Variants in MIDEAS observed in about 807,000 individuals in gnomAD.
MIDEAS encodes mitotic deacetylase-associated SANT domain protein.
MIDEAS carries 26 observed loss-of-function variants against 102.7 expected under a neutral mutation model. The ratio of observed to expected loss-of-function variants is 0.25; its 90% CI spans 0.19 to 0.35. The LOEUF is 0.35. MIDEAS is among the 10% of genes least tolerant of loss of function. The probability of loss-of-function intolerance (pLI) is 1.00; values close to 1 mark genes in which losing one functional copy is unlikely to be tolerated. For synonymous variants in MIDEAS, 585 were observed against 591.0 expected, an observed-to-expected ratio of 0.99 and a Z score of 0.15; for missense variants, 1,231 against 1,435.6, an observed-to-expected ratio of 0.86 and a Z score of 2.30.
intron 1 of MIDEAS, among the ~76,000 whole-genome samples, chr14:73,744,237 T>A (rs2053320614): frequency 1.3e-5 from 2 of 152,142 alleles, no homozygotes; most frequent in African/African-American, 4.8e-5. Context: ...CAACACTGGC[T>A]GGCTGACCCC....
chr14:73,780,394 C>T lies in MIDEAS; in HGVS notation c.-248+6708G>A, dbSNP rs1271812973. Among the ~76,000 whole-genome samples, 8 of 152,198 alleles carry T rather than the reference C, an allele frequency of 5.3e-5. No individual in the cohort carries two copies. The South Asian group carries it at 1.4e-3, about 28-fold the overall frequency. On this transcript the variant is annotated intron_variant, in intron 1 of 11. Coordinates refer to the MIDEAS transcript ENST00000394071. ...ACCACAAGCATTTAGGATCTGACTT[C>T]CCCAGTTATGGAGAAAAAGAAAAGT...
At chr14:73,727,045 G>A (rs1326178155) in intron 5 of MIDEAS, 73 bp from the exon 6 acceptor site, 5 of 1,519,646 alleles carry the variant, frequency 3.3e-6, no homozygotes, top group Non-Finnish European at 3.6e-6. Context: ...CCCTCAGGGT[G>A]GGAAGAAGAT....
chr14:73,749,083 C>G (rs781042673), intron 1 of MIDEAS, among the ~76,000 whole-genome samples: 1 of 151,954 alleles, frequency 6.6e-6, no homozygotes, highest in Non-Finnish European at 1.5e-5. Flanking sequence ...AATAGAAGAT[C>G]GACAAGGAAA....
chr14:73,719,050 C>G lies in MIDEAS; in HGVS notation c.3135-42G>C, dbSNP rs1179550824. On this transcript the variant is annotated intron_variant, in intron 12 of 12. Transcript: ENST00000423556. ...GTTGCTCAGAACCGGCCTAGCCCAC[C>G]CGGGGGCCCCCAGCGCGGGTGCGCG... 15 of 1,449,766 alleles carry G rather than the reference C, an allele frequency of 1.0e-5. No homozygotes were observed. In the East Asian group the frequency reaches 3.2e-4, roughly 31 times the overall value. 89.8% of individuals were successfully genotyped at this position (1,449,766 alleles called of 1,614,324 possible).
intron 3 of MIDEAS, among the ~76,000 whole-genome samples, chr14:73,730,488 T>G (rs2053124368): frequency 6.6e-6 from 1 of 152,222 alleles, no homozygotes. Flanking sequence ...GGTGCCTACC[T>G]AGTAAGTGCC....
intron 7 of MIDEAS, 92 bp from the exon 8 acceptor site, chr14:73,726,200 T>G (rs1595255202): frequency 9.7e-7 from 1 of 1,033,874 alleles, no homozygotes; most frequent in Non-Finnish European, 1.5e-6. Flanking sequence ...CCGAGTAGGG[T>G]GGACACTTAC....
In MIDEAS at chr14:73,759,068, CGGGCGTGCGG is replaced by C. The variant is rs2053523049; in HGVS notation, c.-248+685_-248+694del. 6.6e-6 allele frequency among the ~76,000 whole-genome samples: 1 copy of C among 152,050 alleles called. No homozygotes were observed. Among genetic ancestry groups the C allele is most frequent in the Non-Finnish European group, 1.5e-5 (1 of 67,968 alleles). On this transcript the variant is annotated intron_variant, in intron 1 of 12. Coordinates refer to ENST00000423556, the MANE Select transcript of MIDEAS (RefSeq NM_001367710.1). The surrounding 1 kb of genome is among the most constrained non-coding windows in gnomAD (Gnocchi z 6.7). ...GCGGGCTGGGAGGGCTGCGGCGGCG[CGGGCGTGCGG>C]GGGCGCGCGGGAGGATGACAGGTCT...
chr14:73,719,344 TG>T lies in MIDEAS; in HGVS notation c.3094del (p.Gln1032ArgfsTer19). On this transcript the variant is annotated frameshift_variant, in exon 12 of 13. Transcript: ENST00000423556. LOFTEE classifies it high-confidence loss of function. ...KKKTETFSKTQNQENTFPCKK... is the reference protein window; with the variant it reads ...KKKTETFSKTXNQENTFPCKK... ...ACAGGGGAAAGTGTTCTCCTGATTC[TG>T]GGTCTTACTGAATGTCTCTGTTTTT... 6.2e-7 allele frequency: 1 copy of T among 1,613,564 alleles called. No homozygotes were observed. The highest frequency in any genetic ancestry group is 8.5e-7 in the Non-Finnish European group (1 of 1,179,732).
chr14:73,740,755 T>G (rs1221284746), intron 1 of MIDEAS, among the ~76,000 whole-genome samples: 1 of 152,198 alleles, frequency 6.6e-6, no homozygotes, highest in South Asian at 2.1e-4. Context: ...AGGATCTTTG[T>G]CCAGCCAGTG....
chr14:73,772,071 G>A (rs1387541494), intron 1 of MIDEAS, among the ~76,000 whole-genome samples: 1 of 152,200 alleles, frequency 6.6e-6, no homozygotes, highest in Non-Finnish European at 1.5e-5. Context: ...CCAGCTGGGG[G>A]CTGGAGGCAG....
chr14:73,775,007 G>A (rs1415144405), intron 1 of MIDEAS, among the ~76,000 whole-genome samples: 1 of 152,042 alleles, frequency 6.6e-6, no homozygotes. Context: ...ATGCCATGGT[G>A]GCAACTCAGG....
chr14:73,775,736 A>G (rs769279193), intron 1 of MIDEAS, among the ~76,000 whole-genome samples: 1 of 152,086 alleles, frequency 6.6e-6, no homozygotes, highest in Non-Finnish European at 1.5e-5. Context: ...CTGAATGACC[A>G]AGATTCCAGT....
chr14:73,721,738 G>A (rs982818442), intron 10 of MIDEAS: 16 of 529,956 alleles, frequency 3.0e-5, no homozygotes, highest in African/African-American at 2.9e-4. Context: ...GAGGGGCAAG[G>A]AGGGTACATA....
At position 73,718,938 on chromosome 14, in the gene MIDEAS, C is replaced by A. The variant is rs1158929876; in HGVS notation, c.3205G>T (p.Ala1069Ser). 2 of 1,525,664 alleles carry A rather than the reference C, an allele frequency of 1.3e-6. No individual in the cohort carries two copies. The highest frequency in any genetic ancestry group is 8.7e-7 in the Non-Finnish European group (1 of 1,143,320). 94.5% of individuals were successfully genotyped at this position (1,525,664 alleles called of 1,614,324 possible). Residue 1069 changes from alanine to serine, a missense_variant, in exon 13 of 13, where the codon GCG (alanine) becomes TCG (serine). This residue lies in a region of MIDEAS where 71 missense variants were observed against 51.9 expected (regional missense o/e 1.37). Coordinates refer to ENST00000423556, the MANE Select transcript of MIDEAS (RefSeq NM_001367710.1). ...SHAEQEKKAA[A>S]LRLKEKEAAA... The stretch of plus-strand genomic sequence containing the variant: ...GCCTCTTTCTCCTTCAGCCTCAGCG[C>A]TGCAGCCTTCTTCTCCTGCTCTGCG...
intron 1 of MIDEAS, among the ~76,000 whole-genome samples, chr14:73,767,650 A>G (rs964634558): frequency 2.6e-5 from 4 of 152,006 alleles, no homozygotes; most frequent in Admixed American, 6.6e-5. Flanking sequence ...GGGTGGGGGG[A>G]AAAAGGCTCT....
chr14:73,732,579 A>C (rs748795806), intron 3 of MIDEAS, among the ~76,000 whole-genome samples: 4 of 152,024 alleles, frequency 2.6e-5, no homozygotes, highest in Non-Finnish European at 4.4e-5. Context: ...TGAAGTCAGG[A>C]GTTGGAGACC....
At chr14:73,727,640 AG>A in intron 4 of MIDEAS, 116 bp from the exon 5 acceptor site, 1 of 949,408 alleles carries the variant, frequency 1.1e-6, no homozygotes, top group East Asian at 2.9e-5. Context: ...GAGCTCACGC[AG>A]GGAACACAGG....
At chr14:73,770,009 C>T (rs1362013212) in intron 1 of MIDEAS, among the ~76,000 whole-genome samples, 2 of 149,144 alleles carry the variant, frequency 1.3e-5, no homozygotes, top group Admixed American at 6.8e-5. Flanking sequence ...GGTTGGTGGA[C>T]TATATCCCAT....
At chr14:73,783,102 T>C (rs2053771009) in intron 1 of MIDEAS, among the ~76,000 whole-genome samples, 1 of 152,200 alleles carries the variant, frequency 6.6e-6, no homozygotes, top group Non-Finnish European at 1.5e-5. Context: ...TGAAGAATTG[T>C]AGTATTTATT....
Sources: allele counts gnomAD v4.1 joint callset (sites outside exome capture counted in the v4.1 genomes callset), GRCh38; gene constraint gnomAD v4.1.1; regional missense constraint gnomAD v4.1.1; non-coding constraint Gnocchi (gnomAD v3.1); transcripts MANE v1.5; gene names NCBI Gene and HGNC (gene_info 2026-07-23, HGNC 2026-07-21).